ARHGEF9: variants seen among roughly 807,000 people sequenced by gnomAD.
The protein encoded by ARHGEF9 is rho guanine nucleotide exchange factor 9.
ARHGEF9 carries 2 observed loss-of-function variants against 41.3 expected under a neutral mutation model. The observed-to-expected ratio is 0.05, with a 90% CI of 0.02 to 0.15. The LOEUF (loss-of-function observed/expected upper bound fraction) is 0.15, where lower values mean the gene tolerates loss of function less well. ARHGEF9 is among the 10% of genes least tolerant of loss of function. The pLI is 1.00. For synonymous variants in ARHGEF9, 160 were observed against 154.4 expected, an observed-to-expected ratio of 1.04 and a Z score of -0.27; for missense variants, 225 against 424.7, an observed-to-expected ratio of 0.53 and a Z score of 4.13.
At chrX:63,668,944 C>A (rs185375957) in intron 6 of ARHGEF9, among the ~76,000 whole-genome samples, 2 of 112,244 alleles carry the variant, frequency 1.8e-5, no homozygotes, top group Admixed American at 9.4e-5. Context: ...GGGGAACAAC[C>A]AGATGCCATG....
intron 4 of ARHGEF9, among the ~76,000 whole-genome samples, chrX:63,691,000 T>C (rs1556380908): frequency 9.0e-6 from 1 of 111,015 alleles, no homozygotes; most frequent in African/African-American, 3.3e-5. Context: ...ATAAAAGCCA[T>C]ATATCACAAA....
chrX:63,649,015 C>G (rs1177360151), intron 8 of ARHGEF9, among the ~76,000 whole-genome samples: 2 of 111,140 alleles, frequency 1.8e-5, no homozygotes, highest in Non-Finnish European at 3.8e-5. Flanking sequence ...GACTTTAACA[C>G]CCCACTGTCA....
intron 5 of ARHGEF9, among the ~76,000 whole-genome samples, chrX:63,674,520 A>G (rs1278254560): frequency 8.9e-6 from 1 of 111,957 alleles, no homozygotes; most frequent in African/African-American, 3.2e-5. Flanking sequence ...ACTTTCTTAC[A>G]GACTAAGAGT....
At chrX:63,676,638 C>T (rs782798882) in intron 5 of ARHGEF9, among the ~76,000 whole-genome samples, 1 of 111,741 alleles carries the variant, frequency 8.9e-6, no homozygotes, top group Non-Finnish European at 1.9e-5. Context: ...GATTGCAGCA[C>T]AGAAGCTGCT....
chrX:63,779,085 C>T (rs1236169688), intron 1 of ARHGEF9, among the ~76,000 whole-genome samples: 3 of 111,557 alleles, frequency 2.7e-5, no homozygotes, highest in African/African-American at 6.5e-5. Context: ...AAACCTAGGC[C>T]CTAAACCATT....
intron 6 of ARHGEF9, among the ~76,000 whole-genome samples, chrX:63,666,449 T>C (rs868990059): frequency 1.9e-3 from 38 of 19,846 alleles, no homozygotes; most frequent in South Asian, 0.015. Context: ...CATATATATA[T>C]ACATACACAC....
At chrX:63,743,705 T>A (rs1170969758) in intron 1 of ARHGEF9, among the ~76,000 whole-genome samples, 1 of 112,260 alleles carries the variant, frequency 8.9e-6, no homozygotes, top group African/African-American at 3.2e-5. Context: ...AATTGTTTTT[T>A]AATTGCCATG....
chrX:63,652,725 A>C (rs1185068843), intron 8 of ARHGEF9, among the ~76,000 whole-genome samples: 1 of 111,449 alleles, frequency 9.0e-6, no homozygotes, highest in Non-Finnish European at 1.9e-5. Flanking sequence ...GATATAATCA[A>C]AGCCCCTGAT....
intron 8 of ARHGEF9, among the ~76,000 whole-genome samples, chrX:63,651,391 A>T (rs1455802395): frequency 1.8e-5 from 2 of 111,336 alleles, no homozygotes; most frequent in Non-Finnish European, 3.8e-5. Flanking sequence ...AGAAGAGTGG[A>T]ACAGAATAGA....
At chrX:63,773,126 A>G (rs1360711843) in intron 1 of ARHGEF9, among the ~76,000 whole-genome samples, 1 of 112,022 alleles carries the variant, frequency 8.9e-6, no homozygotes, top group Non-Finnish European at 1.9e-5. Context: ...CAGCTTAACC[A>G]CTTACAGAAC....
chrX:63,677,761 G>A (rs1556364032), intron 5 of ARHGEF9, among the ~76,000 whole-genome samples: 3 of 111,707 alleles, frequency 2.7e-5, no homozygotes, highest in Non-Finnish European at 5.6e-5. Context: ...AATCCCAGGC[G>A]AATGTCCTAT....
intron 7 of ARHGEF9, chrX:63,657,637 C>A (rs782757425): frequency 9.0e-6 from 1 of 111,327 alleles, no homozygotes; most frequent in South Asian, 3.8e-4. Flanking sequence ...CCAATGTTGC[C>A]CCAAGCCTAT....
At chrX:63,642,651 A>G (rs1297174477) in intron 9 of ARHGEF9, 3 of 111,947 alleles carry the variant, frequency 2.7e-5, no homozygotes, top group Non-Finnish European at 5.6e-5. Flanking sequence ...AGAAGCTTCA[A>G]TGGAAAAAAA....
Position 63,637,876 on chromosome X carries a change from G to C in ARHGEF9, c.*152C>G, listed in dbSNP as rs1366762906. Reference sequence around the variant, plus strand: ...TGTGTGTGTGTGTGTGTGTGTGTGTGTGTGTCTGTGTGTGTGTGTGTGTAT... The same window carrying C: ...TGTGTGTGTGTGTGTGTGTGTGTGTCTGTGTCTGTGTGTGTGTGTGTGTAT... On this transcript the variant is annotated 3_prime_UTR_variant, in exon 10 of 10. Coordinates refer to ENST00000671741, the MANE Select transcript of ARHGEF9 (RefSeq NM_001353921.2). The C allele has an allele frequency of 4.8e-6, 2 of 414,475 alleles. No homozygotes were observed. Among genetic ancestry groups the C allele is most frequent in the East Asian group, 3.9e-5 (1 of 25,349 alleles). 34.2% of individuals were successfully genotyped at this position (414,475 alleles called of 1,213,427 possible).
chrX:63,706,693 T>C (rs1318676529), intron 2 of ARHGEF9, among the ~76,000 whole-genome samples: 1 of 111,770 alleles, frequency 8.9e-6, no homozygotes, highest in Non-Finnish European at 1.9e-5. Flanking sequence ...TCATTCATGC[T>C]GGAGCACATC....
intron 7 of ARHGEF9, among the ~76,000 whole-genome samples, chrX:63,664,512 G>T (rs183385466): frequency 8.9e-6 from 1 of 112,483 alleles, no homozygotes; most frequent in African/African-American, 3.2e-5. Context: ...AGGCACATTA[G>T]TGTTGGTGAC....
In ARHGEF9 at chrX:63,740,992, C is replaced by T. The variant is rs1300889274; in HGVS notation, c.31-16281G>A. On this transcript the variant is annotated intron_variant, in intron 1 of 9. Coordinates refer to ENST00000671741, the MANE Select transcript of ARHGEF9 (RefSeq NM_001353921.2). ...TGGGCCACTGCCCAAAGGGATCTCC[C>T]GCTTATGCATCCTACCACTTCCCCT... Among the ~76,000 whole-genome samples, 4 of 112,593 alleles carry T rather than the reference C, an allele frequency of 3.6e-5. No individual in the cohort carries two copies. The East Asian group carries it at 8.4e-4, about 24-fold the overall frequency.
chrX:63,728,078 C>G (rs782338408), intron 1 of ARHGEF9, among the ~76,000 whole-genome samples: 1 of 111,737 alleles, frequency 8.9e-6, no homozygotes, highest in Non-Finnish European at 1.9e-5. Context: ...GTGAGAGGAA[C>G]GCTAATCCAG....
At chrX:63,708,859 C>G (rs2052728967) in intron 2 of ARHGEF9, among the ~76,000 whole-genome samples, 1 of 112,336 alleles carries the variant, frequency 8.9e-6, no homozygotes, top group African/African-American at 3.2e-5. Context: ...GTTTCTTAGC[C>G]TAGAAAAAGG....
Sources: allele counts gnomAD v4.1 joint callset (sites outside exome capture counted in the v4.1 genomes callset), GRCh38; gene constraint gnomAD v4.1.1; transcripts MANE v1.5; gene names NCBI Gene and HGNC (gene_info 2026-07-23, HGNC 2026-07-21).